CACNA1A: variants seen among roughly 807,000 people sequenced by gnomAD.
CACNA1A encodes voltage-dependent P/Q-type calcium channel subunit alpha-1A.
Under a neutral mutation model 262.4 loss-of-function variants are expected in CACNA1A, and 57 were observed. That is an observed-to-expected ratio of 0.22 (90% CI 0.18 to 0.27). The LOEUF (loss-of-function observed/expected upper bound fraction) is 0.27, where lower values mean the gene tolerates loss of function less well. Ranked by LOEUF, CACNA1A falls within the 10% of genes least tolerant of loss-of-function variation. CACNA1A has a pLI of 1.00. For missense variants in CACNA1A, 2,526 were observed against 3,562.8 expected (o/e 0.71, Z 7.41); for synonymous variants, 1,431 against 1,419.3 (o/e 1.01, Z -0.18).
chr19:13,439,491 C>T (rs990042236), intron 3 of CACNA1A, among the ~76,000 whole-genome samples: 4 of 151,642 alleles, frequency 2.6e-5, no homozygotes, highest in Non-Finnish European at 5.9e-5. Flanking sequence ...GCTCCGCCTC[C>T]CGGGTTCACG....
chr19:13,381,977 C>A (rs1014808075), intron 3 of CACNA1A, among the ~76,000 whole-genome samples: 6 of 152,080 alleles, frequency 3.9e-5, no homozygotes, highest in Non-Finnish European at 7.4e-5. Flanking sequence ...AAAATATGAT[C>A]TCTCTAGGGG....
At chr19:13,412,563 C>T (rs911285026) in intron 3 of CACNA1A, among the ~76,000 whole-genome samples, 2 of 151,640 alleles carry the variant, frequency 1.3e-5, no homozygotes, top group African/African-American at 4.8e-5. Context: ...CTGCAACCTC[C>T]GCCTCCTGGG....
intron 3 of CACNA1A, among the ~76,000 whole-genome samples, chr19:13,393,518 TTCCCTCCC>T (rs2059747571): frequency 6.7e-6 from 1 of 148,782 alleles, no homozygotes; most frequent in Admixed American, 6.7e-5. Context: ...CCTTCCTTCC[TTCCCTCCC>T]TCCTTCCTTC....
chr19:13,227,742 G>T (rs935402960), intron 36 of CACNA1A: 3 of 296,956 alleles, frequency 1.0e-5, no homozygotes, highest in Non-Finnish European at 6.2e-6. Flanking sequence ...GGAAGAAAAG[G>T]TCAGTAAAAA....
At chr19:13,428,017 C>T (rs1407615361) in intron 3 of CACNA1A, among the ~76,000 whole-genome samples, 1 of 152,042 alleles carries the variant, frequency 6.6e-6, no homozygotes, top group Non-Finnish European at 1.5e-5. Context: ...CTGCAACCTC[C>T]GCCTCCTGGG....
chr19:13,309,751 C>T lies in CACNA1A; in HGVS notation c.1669-1223G>A, dbSNP rs565089759. ...GACATGTGGATACCCTGGAAGTTTCCAGAGACACTGTGATATAACTACCAT... is the reference window on the plus strand; with the variant it reads ...GACATGTGGATACCCTGGAAGTTTCTAGAGACACTGTGATATAACTACCAT... On this transcript the variant is annotated intron_variant, in intron 12 of 46. Coordinates refer to ENST00000360228, the MANE Select transcript of CACNA1A (RefSeq NM_001127222.2). Among the ~76,000 whole-genome samples, 186 of 151,962 alleles carry T rather than the reference C, an allele frequency of 1.2e-3. 1 individual carries two copies. Among genetic ancestry groups the T allele is most frequent in the African/African-American group, 4.4e-3 (183 of 41,458 alleles).
chr19:13,420,995 A>T (rs557970924), intron 3 of CACNA1A, among the ~76,000 whole-genome samples: 3 of 152,352 alleles, frequency 2.0e-5, no homozygotes, highest in African/African-American at 7.2e-5. Flanking sequence ...TGGTATGATC[A>T]CATGATTAAG....
At chr19:13,473,328 G>A (rs1978292167) in intron 1 of CACNA1A, among the ~76,000 whole-genome samples, 1 of 151,868 alleles carries the variant, frequency 6.6e-6, no homozygotes. Flanking sequence ...TGAAGACAGA[G>A]GCAGAGACTG....
intron 1 of CACNA1A, among the ~76,000 whole-genome samples, chr19:13,499,549 C>T (rs974679060): frequency 2.6e-5 from 4 of 151,724 alleles, no homozygotes; most frequent in African/African-American, 9.7e-5. Context: ...CATAGTATTA[C>T]GGCTCTGGCG....
intron 1 of CACNA1A, among the ~76,000 whole-genome samples, chr19:13,501,100 G>T (rs997905334): frequency 6.6e-6 from 1 of 152,026 alleles, no homozygotes; most frequent in African/African-American, 2.4e-5. Context: ...ATCTTGATTT[G>T]GGTGGTGGCC....
At chr19:13,428,018 G>A (rs990436605) in intron 3 of CACNA1A, among the ~76,000 whole-genome samples, 2 of 151,680 alleles carry the variant, frequency 1.3e-5, no homozygotes, top group East Asian at 1.9e-4. Flanking sequence ...TGCAACCTCC[G>A]CCTCCTGGGT....
chr19:13,235,531 C>T, intron 32 of CACNA1A, 83 bp downstream of exon 32: 1 of 990,378 alleles, frequency 1.0e-6, no homozygotes, highest in Non-Finnish European at 1.6e-6. Flanking sequence ...AGAGGCACTT[C>T]CAATCTGACT....
At chr19:13,380,769 A>G (rs1308150593) in intron 3 of CACNA1A, among the ~76,000 whole-genome samples, 4 of 144,418 alleles carry the variant, frequency 2.8e-5, no homozygotes, top group East Asian at 4.0e-4. Flanking sequence ...TTATTTATTT[A>G]TTTATTTATT....
chr19:13,279,399 AAC>A (rs2057230050), intron 22 of CACNA1A, among the ~76,000 whole-genome samples: 1 of 152,140 alleles, frequency 6.6e-6, no homozygotes, highest in African/African-American at 2.4e-5. Flanking sequence ...GGCCAAATGA[AAC>A]AGTCGACAGT....
intron 1 of CACNA1A, among the ~76,000 whole-genome samples, chr19:13,482,482 CAA>C (rs34452086): frequency 7.0e-6 from 1 of 141,918 alleles, no homozygotes; most frequent in African/African-American, 2.6e-5. Context: ...GACTCCGTCT[CAA>C]AAAAAAAAAA....
chr19:13,448,420 G>A (rs547314921), intron 3 of CACNA1A, among the ~76,000 whole-genome samples: 7 of 152,166 alleles, frequency 4.6e-5, no homozygotes, highest in Non-Finnish European at 1.0e-4. Flanking sequence ...ATACGTGGGT[G>A]ATGAAATAAC....
intron 34 of CACNA1A, among the ~76,000 whole-genome samples, chr19:13,234,136 T>C (rs1286805842): frequency 1.4e-5 from 2 of 147,568 alleles, no homozygotes; most frequent in African/African-American, 5.0e-5. Flanking sequence ...GATCACGAGG[T>C]CAGGAGATCG....
intron 5 of CACNA1A, 177 bp downstream of exon 5, chr19:13,365,140 C>T (rs2059184716): frequency 2.0e-6 from 1 of 505,482 alleles, no homozygotes; most frequent in African/African-American, 1.9e-5. Context: ...GAACCCCACC[C>T]CTTTCAACAG....
intron 10 of CACNA1A, among the ~76,000 whole-genome samples, chr19:13,317,902 G>C (rs58217323): frequency 0.16 from 23,877 of 152,196 alleles, 2,077 homozygotes; most frequent in East Asian, 0.33. Flanking sequence ...CTGGACTTCC[G>C]GGGTCTGACC....
Sources: gnomAD v4.1 joint callset for allele counts (sites outside exome capture counted in the v4.1 genomes callset) on GRCh38, gnomAD v4.1.1 for gene constraint, MANE v1.5 for transcripts, NCBI Gene and HGNC (gene_info 2026-07-23, HGNC 2026-07-21) for gene names.